ATF6: variants seen among roughly 807,000 people sequenced by gnomAD.
ATF6 encodes cyclic AMP-dependent transcription factor ATF-6 alpha.
Under a neutral mutation model 83.6 loss-of-function variants are expected in ATF6, and 53 were observed. The observed-to-expected ratio is 0.63, with a 90% CI of 0.51 to 0.80. ATF6 has a LOEUF of 0.80. Ranked by LOEUF, ATF6 falls within the 30% of genes least tolerant of loss-of-function variation. The pLI, the probability that ATF6 is intolerant of heterozygous loss-of-function variation, is 0.00. For missense variants in ATF6, 744 were observed against 797.9 expected (o/e 0.93, Z 0.81); for synonymous variants, 288 against 285.8 (o/e 1.01, Z -0.08).
At chr1:161,867,369 T>A (rs1687030026) in intron 14 of ATF6, among the ~76,000 whole-genome samples, 1 of 151,926 alleles carries the variant, frequency 6.6e-6, no homozygotes, top group Admixed American at 6.6e-5. Flanking sequence ...ATAACAAAAT[T>A]AATTCAAGAG....
Position 161,875,101 on chromosome 1 carries a change from G to A in ATF6, c.1719+11789G>A, listed in dbSNP as rs114809006. 8.2e-3 allele frequency among the ~76,000 whole-genome samples: 1,252 copies of A among 151,766 alleles called. 16 individuals carry two copies. The highest frequency in any genetic ancestry group is 0.029 in the African/African-American group (1,190 of 41,482). ...TTAAGAAAAACCTCTTTAATAACTG[G>A]CTTAATAGAAACCAGCTGGATTCTT... is the stretch of plus-strand genomic sequence containing the variant. On this transcript the variant is annotated intron_variant, in intron 14 of 15. Coordinates refer to ENST00000367942, the MANE Select transcript of ATF6 (RefSeq NM_007348.4).
chr1:161,766,544 C>T, intron 1 of ATF6, 102 bp downstream of exon 1: 1 of 1,055,598 alleles, frequency 9.5e-7, no homozygotes, highest in Non-Finnish European at 1.4e-6. Flanking sequence ...TGGACCAACC[C>T]TGCCTGGGGA....
chr1:161,821,015 C>G, intron 8 of ATF6, 55 bp from the exon 9 acceptor site: 1 of 1,297,884 alleles, frequency 7.7e-7, no homozygotes, highest in Non-Finnish European at 1.1e-6. Context: ...TTAAGCGTTG[C>G]TTTTTCTGAA....
chr1:161,826,989 T>C (rs187239205), intron 9 of ATF6, among the ~76,000 whole-genome samples: 70 of 146,154 alleles, frequency 4.8e-4, no homozygotes, highest in Non-Finnish European at 5.6e-4. Flanking sequence ...TGGAGTGCAG[T>C]GGTGCGATCT....
chr1:161,931,950 G>C (rs1306445104), intron 15 of ATF6, among the ~76,000 whole-genome samples: 1 of 152,110 alleles, frequency 6.6e-6, no homozygotes, highest in Non-Finnish European at 1.5e-5. Context: ...AGCCTGAAAT[G>C]AATACTTTAT....
At chr1:161,948,466 A>G (rs989595232) in intron 15 of ATF6, among the ~76,000 whole-genome samples, 1 of 152,238 alleles carries the variant, frequency 6.6e-6, no homozygotes, top group Non-Finnish European at 1.5e-5. Context: ...CTTTTTTCAC[A>G]TGATTGTATT....
chr1:161,928,295 T>C (rs1688360796), intron 15 of ATF6, among the ~76,000 whole-genome samples: 1 of 152,220 alleles, frequency 6.6e-6, no homozygotes, highest in African/African-American at 2.4e-5. Flanking sequence ...GAGTTTATGT[T>C]ACCATAATTT....
intron 6 of ATF6, among the ~76,000 whole-genome samples, 186 bp downstream of exon 6, chr1:161,792,513 T>C (rs1684907843): frequency 6.6e-6 from 1 of 152,174 alleles, no homozygotes; most frequent in African/African-American, 2.4e-5. Flanking sequence ...GATATAGCTC[T>C]CCAGACCAGT....
intron 7 of ATF6, among the ~76,000 whole-genome samples, chr1:161,811,219 G>C (rs1019844425): frequency 1.3e-5 from 2 of 152,196 alleles, no homozygotes; most frequent in Admixed American, 1.3e-4. Flanking sequence ...AAAAATGAAA[G>C]TATCAATGGC....
intron 15 of ATF6, among the ~76,000 whole-genome samples, chr1:161,940,386 A>G (rs1320635406): frequency 6.6e-6 from 1 of 151,016 alleles, no homozygotes. Flanking sequence ...AACTCTTTCT[A>G]TCTCTCTGGC....
chr1:161,895,790 T>C (rs116172605), intron 14 of ATF6, among the ~76,000 whole-genome samples: 2,228 of 152,308 alleles, frequency 0.015, 47 homozygotes, highest in African/African-American at 0.051. Context: ...TCTAAAAATA[T>C]GTACAAGAAA....
chr1:161,812,814 G>GTT (rs1685508897), intron 7 of ATF6, among the ~76,000 whole-genome samples: 2 of 151,758 alleles, frequency 1.3e-5, no homozygotes, highest in South Asian at 2.1e-4. Context: ...GTGTGTGTGT[G>GTT]TGTCACATAA....
chr1:161,791,068 G>A (rs1684864401), intron 4 of ATF6, among the ~76,000 whole-genome samples: 2 of 101,118 alleles, frequency 2.0e-5, no homozygotes, highest in African/African-American at 1.4e-4. Context: ...TTATATGTGT[G>A]TGTGTGTGTG....
In ATF6 at chr1:161,814,932, ATTTT is replaced by A. The variant is rs1685576668; in HGVS notation, c.910-4699_910-4696del. On this transcript the variant is annotated intron_variant, in intron 7 of 15. Coordinates refer to ENST00000367942, the MANE Select transcript of ATF6 (RefSeq NM_007348.4). ...CATATGCAATAATGTATGTTATGTA[ATTTT>A]TATTTAATTGAAAGATTGTATTTTT... 2.0e-5 allele frequency among the ~76,000 whole-genome samples: 3 copies of A among 152,248 alleles called. No individual in the cohort carries two copies. In the South Asian group the frequency reaches 6.2e-4, roughly 32 times the overall value.
At chr1:161,778,435 A>G (rs979486677) in intron 2 of ATF6, 115 bp downstream of exon 2, 1 of 714,038 alleles carries the variant, frequency 1.4e-6, no homozygotes, top group African/African-American at 1.8e-5. Flanking sequence ...ACTTAATGGT[A>G]AATAGCTTCT....
chr1:161,947,810 C>CTTTTTTTTTTTTTT (rs10524670), intron 15 of ATF6, among the ~76,000 whole-genome samples: 18 of 57,582 alleles, frequency 3.1e-4, no homozygotes, highest in African/African-American at 1.2e-3. Flanking sequence ...TAAGCCACGC[C>CTTTTTTTTTTTTTT]TTTTTTTTTT....
chr1:161,833,033 G>T (rs1325705977), intron 9 of ATF6, among the ~76,000 whole-genome samples: 2 of 152,176 alleles, frequency 1.3e-5, no homozygotes, highest in Non-Finnish European at 1.5e-5. Context: ...ACCTCACACA[G>T]CTGGGTACTC....
intron 14 of ATF6, among the ~76,000 whole-genome samples, chr1:161,906,380 G>T (rs1687878425): frequency 6.6e-6 from 1 of 152,040 alleles, no homozygotes; most frequent in Admixed American, 6.5e-5. Context: ...ATTAATTCTG[G>T]TTTTTAAAAA....
chr1:161,891,142 C>T (rs1487955747), intron 14 of ATF6: 2 of 152,746 alleles, frequency 1.3e-5, no homozygotes, highest in Non-Finnish European at 1.5e-5. Flanking sequence ...CTGGCCACCC[C>T]AGGCAACAAG....
Sources: gnomAD v4.1 joint callset for allele counts (sites outside exome capture counted in the v4.1 genomes callset) on GRCh38, gnomAD v4.1.1 for gene constraint, MANE v1.5 for transcripts, NCBI Gene and HGNC (gene_info 2026-07-23, HGNC 2026-07-21) for gene names.